AKAP1: variants seen among roughly 807,000 people sequenced by gnomAD.
AKAP1 encodes the protein A-kinase anchor protein 1, mitochondrial.
A neutral mutation model predicts 79.8 loss-of-function variants in AKAP1; 32 were observed. That is an observed-to-expected ratio of 0.40 (90% CI 0.30 to 0.54). AKAP1 has a LOEUF of 0.54. Ranked by LOEUF, AKAP1 falls within the 20% of genes least tolerant of loss-of-function variation. AKAP1 has a pLI of 0.47. For missense variants in AKAP1, 961 were observed against 1,138.9 expected, an observed-to-expected ratio of 0.84 and a Z score of 2.25; for synonymous variants, 416 against 466.7, an observed-to-expected ratio of 0.89 and a Z score of 1.40.
In AKAP1 at chr17:57,106,457, G is replaced by C; in HGVS notation, c.993G>C (p.Leu331Phe). 1 of 1,608,984 alleles carries C rather than the reference G, an allele frequency of 6.2e-7. No homozygotes were observed. The highest frequency in any genetic ancestry group is 8.5e-7 in the Non-Finnish European group (1 of 1,175,798). The change falls in exon 2 of 11, where the codon TTG becomes TTC. Residue 331 changes from leucine to phenylalanine, a missense_variant. Coordinates refer to ENST00000337714, the MANE Select transcript of AKAP1 (RefSeq NM_003488.4). Reference protein sequence around the residue: ...EEGLDRNEESLDRNEEGLDRN... With the variant: ...EEGLDRNEESFDRNEEGLDRN... ...GCTTGGATAGAAATGAGGAGAGCTT[G>C]GATAGAAATGAGGAGGGCTTGGATA...
rs1158944684 is a variant in AKAP1, at chr17:57,121,264, T to C, written c.*940T>C. 6.6e-6 allele frequency: 1 copy of C among 151,948 alleles called. No individual in the cohort carries two copies. Among genetic ancestry groups the C allele is most frequent in the East Asian group, 1.9e-4 (1 of 5,198 alleles). The allele number at this position is 151,948 out of a possible 1,614,324, so 9.4% of individuals were successfully genotyped here. Reference sequence around the variant, plus strand: ...ATTGAATTAACTTGCAGTGGTGTGTTTGATTCTTTTTTAGACTGGCTTCAG... The same window carrying C: ...ATTGAATTAACTTGCAGTGGTGTGTCTGATTCTTTTTTAGACTGGCTTCAG... On this transcript the variant is annotated 3_prime_UTR_variant, in exon 11 of 11. Transcript: ENST00000337714.
Position 57,110,144 on chromosome 17 carries a change from A to T in AKAP1, c.1834A>T (p.Ile612Phe). 1 of 1,613,888 alleles carries T rather than the reference A, an allele frequency of 6.2e-7. No individual in the cohort carries two copies. Among genetic ancestry groups the T allele is most frequent in the Non-Finnish European group, 8.5e-7 (1 of 1,179,938 alleles). The change falls in exon 3 of 11, where the codon ATC (isoleucine) becomes TTC (phenylalanine). Residue 612 changes from isoleucine (I) to phenylalanine (F), a missense_variant. Around this residue, in one of 3 missense-constraint regions of AKAP1, gnomAD observed 629 missense variants for 781.1 expected, o/e 0.81. Transcript: ENST00000337714. ...PKKVDLIIWEIEVPKHLVGRL... is the reference protein window; with the variant it reads ...PKKVDLIIWEFEVPKHLVGRL... ...GAAGGTCGACCTCATCATCTGGGAG[A>T]TCGAGGTGCCAAAGGTAGGGGCGGA...
At position 57,120,334 on chromosome 17, in the gene AKAP1, T is replaced by G. The variant is rs758043679; in HGVS notation, c.*10T>G. On this transcript the variant is annotated 3_prime_UTR_variant, in exon 11 of 11. Transcript: ENST00000337714. The stretch of plus-strand genomic sequence containing the variant: ...CTACACAAGCCTTTGACCCCCATGC[T>G]GCTTCCTGAGAGTCTTTTTTTGCAC... The G allele has an allele frequency of 6.2e-7, 1 of 1,609,914 alleles. No homozygotes were observed. Among genetic ancestry groups the G allele is most frequent in the Non-Finnish European group, 8.5e-7 (1 of 1,178,890 alleles).
chr17:57,094,502 G>T (rs758107758), intron 1 of AKAP1: 4 of 152,042 alleles, frequency 2.6e-5, no homozygotes, highest in Non-Finnish European at 5.9e-5. Context: ...GAGCCCTTCC[G>T]CCAGGCCAGG....
At chr17:57,098,040 G>T (rs73991766) in intron 1 of AKAP1, among the ~76,000 whole-genome samples, 3,372 of 152,332 alleles carry the variant, frequency 0.022, 121 homozygotes, top group African/African-American at 0.077. Context: ...AGGTTTGTCA[G>T]CTGAGTTGAG....
chr17:57,113,746 G>T (rs982672771), intron 5 of AKAP1, among the ~76,000 whole-genome samples: 5 of 151,918 alleles, frequency 3.3e-5, no homozygotes, highest in Non-Finnish European at 5.9e-5. Context: ...GGGATTACAG[G>T]TGTGCTCCAC....
At chr17:57,111,732 G>C in intron 3 of AKAP1, 66 bp from the exon 4 acceptor site, 2 of 1,582,528 alleles carry the variant, frequency 1.3e-6, no homozygotes, top group South Asian at 1.1e-5. Context: ...AACAGAAGTA[G>C]GTCTTTGGGT....
At chr17:57,102,909 G>A (rs1205777149) in intron 1 of AKAP1, among the ~76,000 whole-genome samples, 5 of 152,118 alleles carry the variant, frequency 3.3e-5, no homozygotes, top group South Asian at 2.1e-4. Context: ...GCGAAACCCC[G>A]TCTCTACCAA....
Position 57,086,374 on chromosome 17 carries a change from G to T in AKAP1, c.-25+976G>T. The T allele has an allele frequency of 4.4e-6, 2 of 453,692 alleles. No homozygotes were observed. The highest frequency in any genetic ancestry group is 3.1e-5 in the South Asian group (2 of 64,374). The allele number at this position is 453,692 out of a possible 1,614,324, so 28.1% of individuals were successfully genotyped here. A position where few individuals can be genotyped will look rare whatever the true frequency, so the allele number is the denominator to read the frequency against. ...AAGGTCTTCCTGTTTCCCTTCCAGG[G>T]AGGGATAGGAGAAGAAAGGTGCTGA... On this transcript the variant is annotated intron_variant, in intron 1 of 10. Coordinates refer to ENST00000337714, the MANE Select transcript of AKAP1 (RefSeq NM_003488.4). The surrounding 1 kb of genome is among the most constrained non-coding windows in gnomAD (Gnocchi z 5.1).
chr17:57,105,239 C>G (rs573989729), intron 1 of AKAP1, among the ~76,000 whole-genome samples: 2 of 152,094 alleles, frequency 1.3e-5, no homozygotes, highest in African/African-American at 4.8e-5. Context: ...GGGGAAGATG[C>G]CTCTTCCTGG....
chr17:57,099,144 A>C (rs186855236), intron 1 of AKAP1, among the ~76,000 whole-genome samples: 1 of 151,474 alleles, frequency 6.6e-6, no homozygotes, highest in East Asian at 1.9e-4. Flanking sequence ...GGGTGCCCTT[A>C]GTGAGACCCA....
rs769817068 is a variant in AKAP1 at position 57,106,793 on chromosome 17, G to C, written c.1329G>C (p.Leu443=). The C allele has an allele frequency of 1.2e-5, 19 of 1,614,016 alleles. No homozygotes were observed. Among genetic ancestry groups the C allele is most frequent in the Admixed American group, 3.3e-5 (2 of 60,002 alleles). ...KTYVSCLKSL[L]SSPTKDSKPN... is the part of the protein sequence containing the mutation. ...ACGTGAGCTGCCTGAAGAGCCTTCT[G>C]TCCAGCCCCACCAAGGACAGTAAGC... The change falls in exon 2 of 11, where the codon CTG becomes CTC. Residue 443 remains leucine (L), a synonymous_variant. Coordinates refer to ENST00000337714, the MANE Select transcript of AKAP1 (RefSeq NM_003488.4).
chr17:57,106,087 C>T lies in AKAP1; in HGVS notation c.623C>T (p.Ala208Val). The change falls in exon 2 of 11, where the codon GCC (alanine) becomes GTC (valine). Residue 208 changes from alanine to valine, a missense_variant. Around this residue, in one of 3 missense-constraint regions of AKAP1, gnomAD observed 224 missense variants for 210.2 expected, o/e 1.07. Transcript: ENST00000337714. ...GGTGGGGCCGAAGGGACTGGTGATG[C>T]CGTGTTGGGGGAAAAGGTGCTTGAA... ...ETGGAEGTGD[A>V]VLGEKVLEEA... 6.2e-7 allele frequency: 1 copy of T among 1,606,052 alleles called. No individual in the cohort carries two copies. Among genetic ancestry groups the T allele is most frequent in the Non-Finnish European group, 8.5e-7 (1 of 1,175,500 alleles).
intron 1 of AKAP1, among the ~76,000 whole-genome samples, chr17:57,100,436 C>CACACAT (rs1914425062): frequency 6.7e-6 from 1 of 148,224 alleles, no homozygotes; most frequent in Non-Finnish European, 1.5e-5. Flanking sequence ...AAAACACACA[C>CACACAT]ACACACACAC....
intron 1 of AKAP1, 111 bp from the exon 2 acceptor site, chr17:57,105,330 G>A (rs969752363): frequency 1.4e-5 from 15 of 1,035,976 alleles, no homozygotes; most frequent in African/African-American, 3.1e-5. Context: ...CAGGGAAGGC[G>A]GAGGAGATGG....
chr17:57,116,155 C>T lies in AKAP1; in HGVS notation c.2326C>T (p.Arg776Ter), dbSNP rs1046978802. The T allele has an allele frequency of 9.3e-6, 15 of 1,613,974 alleles. No homozygotes were observed. Among genetic ancestry groups the T allele is most frequent in the Admixed American group, 1.7e-5 (1 of 60,026 alleles). ...CCCTGGTGCGGACGGGGCCTGGTGG[C>T]GAGCCCAAGTGGTTGCCTCCTACGA... ...AAPGADGAWWRAQVVASYEET... is the reference protein window; with the variant it reads ...AAPGADGAWW Residue 776 changes from arginine (R) to a stop codon, truncating the protein, a stop_gained, in exon 7 of 11, where the codon CGA becomes TGA. Transcript: ENST00000337714. LOFTEE classifies it high-confidence loss of function.
chr17:57,116,875 C>G lies in AKAP1; in HGVS notation c.2448C>G (p.Thr816=), dbSNP rs1230199815. ...VLRQIRSDFV[T]LPFQGAEVLL... ...GCCTTCCCAGGTCTGACTTTGTCACCCTGCCGTTTCAGGGAGCAGAAGTCC... is the reference window on the plus strand; with the variant it reads ...GCCTTCCCAGGTCTGACTTTGTCACGCTGCCGTTTCAGGGAGCAGAAGTCC... The change falls in exon 8 of 11, where the codon ACC becomes ACG. Residue 816 remains threonine, a synonymous_variant. Transcript: ENST00000337714. 1.2e-6 allele frequency: 2 copies of G among 1,614,198 alleles called. No homozygotes were observed. The highest frequency in any genetic ancestry group is 1.1e-5 in the South Asian group (1 of 91,082).
At chr17:57,104,027 C>T (rs572242697) in intron 1 of AKAP1, among the ~76,000 whole-genome samples, 9 of 152,196 alleles carry the variant, frequency 5.9e-5, no homozygotes, top group East Asian at 1.9e-4. Flanking sequence ...GTCTTGATCT[C>T]GGCTCACTGC....
chr17:57,093,216 C>G (rs911909956), intron 1 of AKAP1: 1 of 152,236 alleles, frequency 6.6e-6, no homozygotes, highest in African/African-American at 2.4e-5. Flanking sequence ...GCTCAGTTCT[C>G]TCAATCAGTT....
Sources: gnomAD v4.1 joint callset for allele counts (sites outside exome capture counted in the v4.1 genomes callset) on GRCh38, gnomAD v4.1.1 for gene constraint, gnomAD v4.1.1 regional missense constraint, Gnocchi (gnomAD v3.1) non-coding constraint, MANE v1.5 for transcripts, NCBI Gene and HGNC (gene_info 2026-07-23, HGNC 2026-07-21) for gene names.